The following IST1 variants were observed in gnomAD, a reference collection of about 807,000 sequenced individuals.
IST1 encodes the protein IST1 factor associated with ESCRT-III.
In IST1, 23 loss-of-function variants were observed where a neutral mutation model predicts 37.0. The ratio of observed to expected loss-of-function variants is 0.62; its 90% confidence interval spans 0.45 to 0.88. IST1 has a LOEUF of 0.88. Ranked by LOEUF, IST1 falls within the 40% of genes least tolerant of loss-of-function variation. The pLI is 0.00. For synonymous variants in IST1, 180 were observed against 161.7 expected (o/e 1.11, Z -0.86); for missense variants, 488 against 445.4 (o/e 1.10, Z -0.86).
At chr16:71,911,258 G>A (rs2037347638) in intron 1 of IST1, among the ~76,000 whole-genome samples, 1 of 151,244 alleles carries the variant, frequency 6.6e-6, no homozygotes, top group Admixed American at 6.6e-5. Context: ...AACAATAAAA[G>A]TAACACATCT....
rs2037784235 is a variant in IST1, at chr16:71,927,761, T to C, written c.1049T>C (p.Ile350Thr). The C allele has an allele frequency of 1.9e-6, 3 of 1,613,972 alleles. No individual in the cohort carries two copies. Among genetic ancestry groups the C allele is most frequent in the Middle Eastern group, 1.6e-4 (1 of 6,084 alleles). Residue 350 changes from isoleucine to threonine, a missense_variant, in exon 10 of 10, where the codon ATT becomes ACT. Ile to Thr is a moderately conservative substitution (Grantham distance 89). Coordinates refer to ENST00000378799, the MANE Select transcript of IST1 (RefSeq NM_001270975.2). The stretch of plus-strand genomic sequence containing the variant: ...GCCAGCACCTCAGCATCTGAAGACA[T>C]TGACTTTGATGATCTTTCCCGGAGG... The part of the protein sequence containing the change: ...AGASTSASED[I>T]DFDDLSRRFE...
In IST1 at chr16:71,928,052, GT is replaced by G; in HGVS notation, c.*242del. ...TGGCTCCTGGCAGCTGTGCTTGTCC[GT>G]TTCCTGTCAGAGTGATCCCAGGTTT... On this transcript the variant is annotated 3_prime_UTR_variant, in exon 10 of 10. Transcript: ENST00000378799. The G allele has an allele frequency of 2.1e-6, 1 of 484,190 alleles. No homozygotes were observed. The highest frequency in any genetic ancestry group is 3.8e-6 in the Non-Finnish European group (1 of 265,298). The allele number at this position is 484,190 out of a possible 1,614,324, so 30.0% of individuals were successfully genotyped here.
At chr16:71,927,081 C>G (rs1428872063) in intron 9 of IST1, among the ~76,000 whole-genome samples, 2 of 152,088 alleles carry the variant, frequency 1.3e-5, no homozygotes, top group African/African-American at 4.8e-5. Flanking sequence ...TGGATGTGGC[C>G]CCATGTATCC....
At chr16:71,909,495 A>G (rs937636597) in intron 1 of IST1, among the ~76,000 whole-genome samples, 2 of 152,192 alleles carry the variant, frequency 1.3e-5, no homozygotes, top group East Asian at 3.9e-4. Flanking sequence ...GCTGTGTACA[A>G]ATTTCTGTGG....
At chr16:71,926,290 A>G (rs913475160) in intron 9 of IST1, among the ~76,000 whole-genome samples, 18 of 152,120 alleles carry the variant, frequency 1.2e-4, no homozygotes, top group African/African-American at 4.3e-4. Context: ...TAAAAAGAAT[A>G]TAAATAATAT....
chr16:71,899,945 C>T (rs2142522990), intron 1 of IST1, among the ~76,000 whole-genome samples: 1 of 140,786 alleles, frequency 7.1e-6, no homozygotes, highest in South Asian at 2.2e-4. Flanking sequence ...AGTAGTGAGC[C>T]AAGATTGCGC....
rs905604690 is a variant in IST1, at chr16:71,895,579, G to T, written c.-26G>T. The T allele has an allele frequency of 1.0e-6, 1 of 984,998 alleles. No individual in the cohort carries two copies. The highest frequency in any genetic ancestry group is 1.1e-4 in the East Asian group (1 of 8,830). The allele number at this position is 984,998 out of a possible 1,614,324, so 61.0% of individuals were successfully genotyped here. A position where few individuals can be genotyped will look rare whatever the true frequency, so the allele number is the denominator to read the frequency against. On this transcript the variant is annotated 5_prime_UTR_variant, in exon 1 of 10. Transcript: ENST00000378799. ...TCGGTGTCTGCTGCGTTCACGGCAG[G>T]ATTCGGTTAGGTGAGTGTGGCATCC...
intron 1 of IST1, among the ~76,000 whole-genome samples, chr16:71,907,257 ACT>A (rs983544338): frequency 2.1e-5 from 3 of 144,440 alleles, no homozygotes; most frequent in African/African-American, 7.7e-5. Flanking sequence ...GAATAAAAAT[ACT>A]CTTTCTCCTA....
chr16:71,900,897 T>A (rs1173040269), intron 1 of IST1, among the ~76,000 whole-genome samples: 3 of 152,184 alleles, frequency 2.0e-5, no homozygotes, highest in African/African-American at 7.2e-5. Context: ...AATAAATATT[T>A]GGTGAGTGAG....
chr16:71,921,164 A>G (rs2037571268), intron 5 of IST1, 179 bp from the exon 6 acceptor site: 6 of 605,400 alleles, frequency 9.9e-6, no homozygotes, highest in South Asian at 2.0e-5. Context: ...GAGAATGTGA[A>G]AGAGAGACTT....
At chr16:71,924,889 C>A in intron 9 of IST1, 72 bp downstream of exon 9, 2 of 1,046,940 alleles carry the variant, frequency 1.9e-6, no homozygotes, top group Non-Finnish European at 3.0e-6. Context: ...TATTGTTCCT[C>A]CCTTAGAGAC....
intron 1 of IST1, among the ~76,000 whole-genome samples, chr16:71,901,465 G>A (rs1223912103): frequency 1.3e-5 from 2 of 152,088 alleles, no homozygotes; most frequent in African/African-American, 4.8e-5. Context: ...CACCCACCTC[G>A]GCCTCCCAAA....
At chr16:71,900,327 C>CT (rs201344260) in intron 1 of IST1, among the ~76,000 whole-genome samples, 16,206 of 97,804 alleles carry the variant, frequency 0.17, 1,065 homozygotes, top group East Asian at 0.31. Flanking sequence ...CTTAGGAAGT[C>CT]TTTTTTTTTT....
intron 8 of IST1, chr16:71,924,083 A>G (rs2037678248): frequency 2.2e-6 from 1 of 455,002 alleles, no homozygotes; most frequent in East Asian, 7.0e-5. Context: ...TTTGGTTCCC[A>G]TCTGTAGCTG....
chr16:71,900,951 C>T (rs762890990), intron 1 of IST1, among the ~76,000 whole-genome samples: 3 of 152,060 alleles, frequency 2.0e-5, no homozygotes, highest in Admixed American at 6.6e-5. Context: ...TTTAGAGTAA[C>T]GTCTGAATCA....
chr16:71,923,638 T>G (rs1288178367), intron 8 of IST1: 1 of 335,674 alleles, frequency 3.0e-6, no homozygotes, highest in East Asian at 7.0e-5. Flanking sequence ...TAGAAAGTTG[T>G]AGTGCTCTAT....
intron 1 of IST1, among the ~76,000 whole-genome samples, chr16:71,906,563 G>A (rs757614026): frequency 2.0e-5 from 3 of 151,614 alleles, no homozygotes; most frequent in Non-Finnish European, 2.9e-5. Flanking sequence ...GATCCCACCT[G>A]ACTTGGCCTC....
chr16:71,925,520 T>G (rs2037721301), intron 9 of IST1, among the ~76,000 whole-genome samples: 1 of 151,536 alleles, frequency 6.6e-6, no homozygotes, highest in East Asian at 2.0e-4. Flanking sequence ...TTCACCACGT[T>G]GGTCAGGCTG....
intron 1 of IST1, among the ~76,000 whole-genome samples, chr16:71,910,942 A>G (rs1046969153): frequency 1.3e-5 from 2 of 152,136 alleles, no homozygotes; most frequent in African/African-American, 4.8e-5. Context: ...ATAAAGTAGT[A>G]TTATAATGTG....
Sources: allele counts gnomAD v4.1 joint callset (sites outside exome capture counted in the v4.1 genomes callset), GRCh38; gene constraint gnomAD v4.1.1; transcripts MANE v1.5; gene names NCBI Gene and HGNC (gene_info 2026-07-23, HGNC 2026-07-21).